ZNF407: variants seen among roughly 807,000 people sequenced by gnomAD.
The protein encoded by ZNF407 is zinc finger protein 407.
A neutral mutation model predicts 131.2 loss-of-function variants in ZNF407; 17 were observed. That is an observed-to-expected ratio of 0.13 (90% CI 0.09 to 0.19). ZNF407 has a LOEUF of 0.19. Among genes scored for constraint, ZNF407 ranks in the 10% least tolerant of loss-of-function variants. The probability of loss-of-function intolerance (pLI) is 1.00; values close to 1 mark genes in which losing one functional copy is unlikely to be tolerated. For missense variants in ZNF407, 2,681 were observed against 2,830.6 expected, an observed-to-expected ratio of 0.95 and a Z score of 1.20; for synonymous variants, 1,156 against 1,062.0, an observed-to-expected ratio of 1.09 and a Z score of -1.72.
At chr18:74,716,118 A>T (rs1967888308) in intron 3 of ZNF407, among the ~76,000 whole-genome samples, 1 of 152,130 alleles carries the variant, frequency 6.6e-6, no homozygotes, top group Admixed American at 6.6e-5. Context: ...TCAAATAGAT[A>T]TTTTGCTGCT....
chr18:74,899,295 A>T (rs1311239480), intron 7 of ZNF407, among the ~76,000 whole-genome samples: 1 of 152,206 alleles, frequency 6.6e-6, no homozygotes. Flanking sequence ...GCAGAAAATC[A>T]CCTTAAACTA....
intron 2 of ZNF407, among the ~76,000 whole-genome samples, chr18:74,640,480 A>G (rs1037598681): frequency 6.6e-6 from 1 of 152,194 alleles, no homozygotes; most frequent in African/African-American, 2.4e-5. Flanking sequence ...AATATAGATA[A>G]TAATTTGGGA....
chr18:75,038,975 A>G (rs1214687422), intron 8 of ZNF407, among the ~76,000 whole-genome samples: 1 of 152,232 alleles, frequency 6.6e-6, no homozygotes. Context: ...ACTGTTCCTA[A>G]TAGCCAGCTA....
chr18:75,063,782 A>G lies in ZNF407; in HGVS notation c.6061A>G (p.Ile2021Val). Reference sequence around the variant, plus strand: ...CAGGCCCGGCGCCAAAGACGTGCTGATCCAGCTGCCCGGGCAGGAGGTCTC... The same window carrying G: ...CAGGCCCGGCGCCAAAGACGTGCTGGTCCAGCTGCCCGGGCAGGAGGTCTC... ...QGRPGAKDVL[I>V]QLPGQEVSHV... The change falls in exon 9 of 9, where the codon ATC becomes GTC. Residue 2021 changes from isoleucine to valine, a missense_variant. By Grantham distance (29) the Ile-to-Val change is conservative (BLOSUM62 3). Around this residue, in one of 6 missense-constraint regions of ZNF407, gnomAD observed 620 missense variants for 583.1 expected, o/e 1.06. Transcript: ENST00000299687. The surrounding 1 kb of genome is among the most constrained non-coding windows in gnomAD (Gnocchi z 6.6). 6.2e-7 allele frequency: 1 copy of G among 1,609,922 alleles called. No homozygotes were observed. The highest frequency in any genetic ancestry group is 1.1e-5 in the South Asian group (1 of 91,034).
chr18:74,886,699 CTAATA>C, intron 6 of ZNF407, among the ~76,000 whole-genome samples: 1 of 152,188 alleles, frequency 6.6e-6, no homozygotes, highest in African/African-American at 2.4e-5. Flanking sequence ...GAAATGCTAA[CTAATA>C]TAATAGTGAC....
intron 3 of ZNF407, among the ~76,000 whole-genome samples, chr18:74,760,410 T>G (rs1359694275): frequency 6.6e-6 from 1 of 152,242 alleles, no homozygotes; most frequent in East Asian, 1.9e-4. Flanking sequence ...TGTTTGCTTT[T>G]AGATTTCTGG....
intron 4 of ZNF407, among the ~76,000 whole-genome samples, chr18:74,860,725 T>A (rs1970926356): frequency 6.6e-6 from 1 of 152,120 alleles, no homozygotes; most frequent in Non-Finnish European, 1.5e-5. Flanking sequence ...GTAGGTTAAT[T>A]AATACCAGAT....
intron 2 of ZNF407, among the ~76,000 whole-genome samples, chr18:74,639,920 A>G (rs1043882166): frequency 6.6e-6 from 1 of 152,128 alleles, no homozygotes; most frequent in Non-Finnish European, 1.5e-5. Context: ...TCATTGATCA[A>G]ATATGATTTA....
At chr18:74,839,570 C>T (rs1369604993) in intron 4 of ZNF407, among the ~76,000 whole-genome samples, 2 of 152,194 alleles carry the variant, frequency 1.3e-5, no homozygotes, top group Non-Finnish European at 2.9e-5. Flanking sequence ...GCTGTTAGCA[C>T]ATCTACAAAT....
Position 74,646,657 on chromosome 18 carries a change from A to AT in ZNF407, c.4802+5540dup, listed in dbSNP as rs1984987837. ...TTTATGTACTGAATGAACATTTACG[A>AT]TTTTTAAAACTGTACAAATGACTTT... On this transcript the variant is annotated intron_variant, in intron 3 of 8. Coordinates refer to ENST00000299687, the MANE Select transcript of ZNF407 (RefSeq NM_017757.3). Among the ~76,000 whole-genome samples the AT allele has an allele frequency of 2.6e-5, 4 of 152,198 alleles. No individual in the cohort carries two copies. The South Asian group carries it at 8.3e-4, about 32-fold the overall frequency.
At chr18:75,002,665 C>T (rs1473217648) in intron 8 of ZNF407, among the ~76,000 whole-genome samples, 2 of 151,972 alleles carry the variant, frequency 1.3e-5, no homozygotes, top group African/African-American at 4.8e-5. Context: ...ATTAACCGGG[C>T]GTGGTGACGG....
intron 1 of ZNF407, among the ~76,000 whole-genome samples, chr18:74,618,479 C>T (rs949910713): frequency 2.8e-4 from 43 of 152,328 alleles, no homozygotes; most frequent in African/African-American, 7.9e-4. Context: ...GTGTCTCTGA[C>T]TGTTAAAACA....
At chr18:74,662,059 A>G (rs1430023606) in intron 3 of ZNF407, among the ~76,000 whole-genome samples, 1 of 145,072 alleles carries the variant, frequency 6.9e-6, no homozygotes, top group Non-Finnish European at 1.5e-5. Context: ...TTTTTTTGGT[A>G]TGATCAACTG....
chr18:74,975,557 CT>C (rs1329010328), intron 8 of ZNF407, among the ~76,000 whole-genome samples: 37 of 152,122 alleles, frequency 2.4e-4, no homozygotes, highest in African/African-American at 7.7e-4. Context: ...TTGAAAGTAT[CT>C]TTTGTTTATT....
At chr18:74,716,714 T>C (rs1018215573) in intron 3 of ZNF407, among the ~76,000 whole-genome samples, 2 of 152,174 alleles carry the variant, frequency 1.3e-5, no homozygotes, top group South Asian at 4.1e-4. Context: ...TGAGAAGTGG[T>C]TCGAAATAAT....
At position 74,971,289 on chromosome 18, in the gene ZNF407, G is replaced by A. The variant is rs559102501; in HGVS notation, c.5428+50597G>A. Among the ~76,000 whole-genome samples, 294 of 152,278 alleles carry A rather than the reference G, an allele frequency of 1.9e-3. 3 individuals are homozygous for A. Among genetic ancestry groups the A allele is most frequent in the African/African-American group, 6.7e-3 (280 of 41,556 alleles). ...TAACATTAGACTGTTTGCTACTTAC[G>A]CAAATTTCTGCAGCCAGCTTGAATT... is the stretch of plus-strand genomic sequence containing the variant. On this transcript the variant is annotated intron_variant, in intron 8 of 8. Coordinates refer to ENST00000299687, the MANE Select transcript of ZNF407 (RefSeq NM_017757.3).
At chr18:74,926,558 C>T (rs1459053988) in intron 8 of ZNF407, among the ~76,000 whole-genome samples, 5 of 152,136 alleles carry the variant, frequency 3.3e-5, no homozygotes, top group African/African-American at 7.2e-5. Context: ...AATCCCAGCA[C>T]GTTGGCTGGC....
intron 4 of ZNF407, among the ~76,000 whole-genome samples, chr18:74,843,849 A>G (rs1421017344): frequency 1.3e-5 from 2 of 152,218 alleles, no homozygotes; most frequent in Non-Finnish European, 2.9e-5. Flanking sequence ...AACCTCATAT[A>G]GTAAATGTAT....
chr18:74,772,870 T>G (rs976558344), intron 3 of ZNF407, among the ~76,000 whole-genome samples: 4 of 152,164 alleles, frequency 2.6e-5, no homozygotes, highest in Admixed American at 2.6e-4. Context: ...TCATTTAAAA[T>G]GGAAAAAGAA....
Sources: gnomAD v4.1 joint callset for allele counts (sites outside exome capture counted in the v4.1 genomes callset) on GRCh38, gnomAD v4.1.1 for gene constraint, gnomAD v4.1.1 regional missense constraint, Gnocchi (gnomAD v3.1) non-coding constraint, MANE v1.5 for transcripts, NCBI Gene and HGNC (gene_info 2026-07-23, HGNC 2026-07-21) for gene names.